WDFY4: variants seen among roughly 807,000 people sequenced by gnomAD.
The protein encoded by WDFY4 is WDFY family member 4, also known as WD repeat- and FYVE domain-containing protein 4.
WDFY4 carries 169 observed loss-of-function variants against 351.9 expected under a neutral mutation model. That is an observed-to-expected ratio of 0.48 (90% CI 0.42 to 0.55). WDFY4 has a LOEUF of 0.55. WDFY4 is among the 20% of genes least tolerant of loss of function. WDFY4 has a pLI of 0.00. For synonymous variants in WDFY4, 1,622 were observed against 1,574.6 expected, an observed-to-expected ratio of 1.03 and a Z score of -0.71; for missense variants, 3,803 against 3,935.6, an observed-to-expected ratio of 0.97 and a Z score of 0.90.
intron 47 of WDFY4, chr10:48,913,417 C>A: frequency 6.2e-7 from 1 of 1,612,588 alleles, no homozygotes; most frequent in Non-Finnish European, 8.5e-7. Flanking sequence ...GAGTCCTTGG[C>A]CATGGAATTG....
At chr10:48,905,096 A>C (rs1837550477) in intron 47 of WDFY4, among the ~76,000 whole-genome samples, 1 of 152,162 alleles carries the variant, frequency 6.6e-6, no homozygotes, top group Non-Finnish European at 1.5e-5. Context: ...TGATGAACCT[A>C]TTCTGTAATG....
chr10:48,845,879 G>A (rs1302716367), intron 39 of WDFY4, among the ~76,000 whole-genome samples: 1 of 152,200 alleles, frequency 6.6e-6, no homozygotes, highest in African/African-American at 2.4e-5. Context: ...CTTCCTGAAT[G>A]CCACTGTGGA....
intron 39 of WDFY4, among the ~76,000 whole-genome samples, chr10:48,837,457 G>C (rs2068442782): frequency 6.6e-6 from 1 of 152,208 alleles, no homozygotes; most frequent in African/African-American, 2.4e-5. Context: ...AGGGCCCCTG[G>C]TGGGGAGCCA....
In WDFY4 at chr10:48,724,187, C is replaced by T. The variant is rs149893006; in HGVS notation, c.591+620C>T. ...TCCTGCTCCCTGAGCTTGCAGGGGA[C>T]GGTATGGAGGATCGTGTGGCCCGGG... is the stretch of plus-strand genomic sequence containing the variant. On this transcript the variant is annotated intron_variant, in intron 5 of 61. Transcript: ENST00000325239. Among the ~76,000 whole-genome samples, 369 of 152,146 alleles carry T rather than the reference C, an allele frequency of 2.4e-3. 2 individuals are homozygous for T. The highest frequency in any genetic ancestry group is 8.4e-3 in the African/African-American group (350 of 41,500).
chr10:48,928,117 C>A (rs1173049354), intron 47 of WDFY4, among the ~76,000 whole-genome samples: 8 of 152,156 alleles, frequency 5.3e-5, no homozygotes, highest in Non-Finnish European at 8.8e-5. Flanking sequence ...CCTCACAGCT[C>A]CTCTCCTCCC....
intron 24 of WDFY4, among the ~76,000 whole-genome samples, chr10:48,796,674 T>G (rs1178861195): frequency 6.6e-6 from 1 of 152,320 alleles, no homozygotes; most frequent in African/African-American, 2.4e-5. Flanking sequence ...TGAGCCCCAC[T>G]CTTTTTCTTG....
chr10:48,781,799 C>T (rs1281344021), intron 19 of WDFY4, among the ~76,000 whole-genome samples: 1 of 152,100 alleles, frequency 6.6e-6, no homozygotes, highest in Non-Finnish European at 1.5e-5. Flanking sequence ...AAGCTAAAGA[C>T]CTCCAGGAAC....
chr10:48,735,029 G>A (rs1010952078), intron 10 of WDFY4, among the ~76,000 whole-genome samples: 6 of 150,640 alleles, frequency 4.0e-5, no homozygotes, highest in African/African-American at 1.5e-4. Flanking sequence ...GAGCTCAGGC[G>A]ATCTGCCTGC....
chr10:48,790,890 C>T lies in WDFY4; in HGVS notation c.4230C>T (p.Phe1410=), dbSNP rs1042712662. Residue 1410 remains phenylalanine, a synonymous_variant, in exon 23 of 62, where the codon TTC becomes TTT. Transcript: ENST00000325239. ...SVLTSNAMCD[F]LMQHICGYQI... ...TGACCAGTAATGCCATGTGTGACTTCCTGATGCAACACATCTGTGGGTACC... is the reference window on the plus strand; with the variant it reads ...TGACCAGTAATGCCATGTGTGACTTTCTGATGCAACACATCTGTGGGTACC... 6.4e-7 allele frequency: 1 copy of T among 1,551,766 alleles called. No individual in the cohort carries two copies. Among genetic ancestry groups the T allele is most frequent in the East Asian group, 2.4e-5 (1 of 40,930 alleles).
intron 47 of WDFY4, chr10:48,910,214 T>C (rs1837871258): frequency 3.8e-6 from 6 of 1,567,594 alleles, no homozygotes; most frequent in Non-Finnish European, 4.4e-6. Flanking sequence ...CTGAGTAGTC[T>C]TCAAGATTTT....
intron 39 of WDFY4, among the ~76,000 whole-genome samples, chr10:48,838,075 T>C (rs6537581): frequency 0.4 from 60,120 of 152,150 alleles, 12,799 homozygotes; most frequent in East Asian, 0.7. Context: ...AAATGGCCCA[T>C]GCAGGGAAGT....
intron 55 of WDFY4, 95 bp from the exon 56 acceptor site, chr10:48,968,969 G>A (rs1167197401): frequency 6.9e-6 from 9 of 1,304,812 alleles, no homozygotes; most frequent in African/African-American, 2.9e-5. Flanking sequence ...TTAAGTTCAA[G>A]TCCAGTGTGT....
At chr10:48,859,053 C>A (rs918756524) in intron 39 of WDFY4, among the ~76,000 whole-genome samples, 2 of 151,958 alleles carry the variant, frequency 1.3e-5, no homozygotes, top group African/African-American at 4.8e-5. Flanking sequence ...GATCTTATAT[C>A]CTGTGACCGC....
intron 47 of WDFY4, among the ~76,000 whole-genome samples, chr10:48,940,977 T>C (rs1440694339): frequency 6.6e-6 from 1 of 152,226 alleles, no homozygotes; most frequent in African/African-American, 2.4e-5. Context: ...AGGAACCATT[T>C]GGCCATAGGT....
At chr10:48,903,174 G>A (rs938657460) in intron 47 of WDFY4, among the ~76,000 whole-genome samples, 1 of 151,922 alleles carries the variant, frequency 6.6e-6, no homozygotes, top group South Asian at 2.1e-4. Flanking sequence ...ACCCAGGGAA[G>A]AGCAAGGCAT....
intron 12 of WDFY4, among the ~76,000 whole-genome samples, chr10:48,750,563 CA>C (rs1301736730): frequency 1.3e-5 from 2 of 152,260 alleles, no homozygotes; most frequent in Non-Finnish European, 2.9e-5. Context: ...TCCCATGGGC[CA>C]AATCAGATCC....
chr10:48,874,815 T>C (rs1344032273), intron 41 of WDFY4, among the ~76,000 whole-genome samples: 1 of 152,170 alleles, frequency 6.6e-6, no homozygotes, highest in African/African-American at 2.4e-5. Flanking sequence ...GAGGATGCTA[T>C]CTAATCCCAT....
intron 43 of WDFY4, chr10:48,877,907 A>C (rs912667399): frequency 4.6e-5 from 7 of 152,364 alleles, no homozygotes; most frequent in Non-Finnish European, 1.0e-4. Context: ...AATGCAATGG[A>C]AGATGAAGCA....
chr10:48,695,978 G>C (rs1381378541), intron 1 of WDFY4, among the ~76,000 whole-genome samples: 2 of 152,204 alleles, frequency 1.3e-5, no homozygotes, highest in African/African-American at 4.8e-5. Context: ...GAATCAGAAA[G>C]AGGAAGTTTT....
Sources: gnomAD v4.1 joint callset for allele counts (sites outside exome capture counted in the v4.1 genomes callset) on GRCh38, gnomAD v4.1.1 for gene constraint, MANE v1.5 for transcripts, NCBI Gene and HGNC (gene_info 2026-07-23, HGNC 2026-07-21) for gene names.